BICC1: variants seen among roughly 807,000 people sequenced by gnomAD.
The protein encoded by BICC1 is protein bicaudal C homolog 1.
In BICC1, 43 loss-of-function variants were observed where a neutral mutation model predicts 111.0. The observed-to-expected ratio is 0.39, with a 90% CI of 0.30 to 0.50. The LOEUF is 0.50. Ranked by LOEUF, BICC1 falls within the 20% of genes least tolerant of loss-of-function variation. BICC1 has a pLI of 0.88. For synonymous variants in BICC1, 467 were observed against 434.4 expected, an observed-to-expected ratio of 1.07 and a Z score of -0.93; for missense variants, 1,091 against 1,203.2, an observed-to-expected ratio of 0.91 and a Z score of 1.38.
chr10:58,769,450 A>G lies in BICC1; in HGVS notation c.308-15551A>G, dbSNP rs574684628. Among the ~76,000 whole-genome samples the G allele has an allele frequency of 2.3e-3, 328 of 141,500 alleles. 3 individuals are homozygous for G. Among genetic ancestry groups the G allele is most frequent in the South Asian group, 0.018 (77 of 4,372 alleles). The allele number at this position is 141,500 out of a possible 152,430, so 92.8% of individuals were successfully genotyped here. The stretch of plus-strand genomic sequence containing the variant: ...TAATCACAGTATATATCTTTAATAG[A>G]TATACTTTTTATTTGTCAATCACTC... On this transcript the variant is annotated intron_variant, in intron 3 of 20. Transcript: ENST00000373886.
chr10:58,661,356 TC>T (rs1352547838), intron 2 of BICC1, among the ~76,000 whole-genome samples: 1 of 151,990 alleles, frequency 6.6e-6, no homozygotes, highest in Non-Finnish European at 1.5e-5. Context: ...GCATCAGGCA[TC>T]CCCTAGCCTA....
intron 1 of BICC1, among the ~76,000 whole-genome samples, chr10:58,561,312 T>G (rs1015584111): frequency 2.0e-5 from 3 of 152,012 alleles, no homozygotes; most frequent in Admixed American, 6.6e-5. Flanking sequence ...TTTTTTTCTC[T>G]TTTTATAGTT....
chr10:58,605,534 G>T (rs1845182767), intron 1 of BICC1, among the ~76,000 whole-genome samples: 1 of 152,144 alleles, frequency 6.6e-6, no homozygotes, highest in African/African-American at 2.4e-5. Context: ...GTCTATGGGG[G>T]ATTTGTTCCA....
At chr10:58,687,200 C>T (rs1421443306) in intron 2 of BICC1, among the ~76,000 whole-genome samples, 1 of 152,226 alleles carries the variant, frequency 6.6e-6, no homozygotes, top group Admixed American at 6.5e-5. Flanking sequence ...TATTGCTGAA[C>T]AGCAAATGTT....
chr10:58,808,751 A>G (rs975496834), intron 17 of BICC1, among the ~76,000 whole-genome samples: 8 of 150,014 alleles, frequency 5.3e-5, no homozygotes, highest in African/African-American at 1.7e-4. Context: ...GTCTCACTCA[A>G]CCCCCCTAAG....
intron 2 of BICC1, among the ~76,000 whole-genome samples, chr10:58,653,028 A>C (rs1401851321): frequency 6.6e-6 from 1 of 152,174 alleles, no homozygotes; most frequent in Non-Finnish European, 1.5e-5. Context: ...TTAATCACCA[A>C]CGTAAGAGAC....
chr10:58,807,932 G>GAT (rs1238494429), intron 17 of BICC1, among the ~76,000 whole-genome samples: 5 of 152,138 alleles, frequency 3.3e-5, no homozygotes, highest in African/African-American at 9.7e-5. Flanking sequence ...ACCAGAGAGA[G>GAT]CACTGTAGGC....
chr10:58,529,542 G>A (rs1842627639), intron 1 of BICC1, among the ~76,000 whole-genome samples: 1 of 151,884 alleles, frequency 6.6e-6, no homozygotes, highest in South Asian at 2.1e-4. Flanking sequence ...GTTTTGGTAA[G>A]ATTTTATCTT....
Position 58,789,412 on chromosome 10 carries a change from A to C in BICC1, c.751A>C (p.Thr251Pro), listed in dbSNP as rs1462559972. The change falls in exon 7 of 21, where the codon ACT (threonine) becomes CCT (proline). Residue 251 changes from threonine to proline, a missense_variant. Around this residue, in one of 3 missense-constraint regions of BICC1, gnomAD observed 843 missense variants for 900.8 expected, o/e 0.94. Coordinates refer to ENST00000373886, the MANE Select transcript of BICC1 (RefSeq NM_001080512.3). ...ACAGCGTTCCCGAATGTATGGTGCT[A>C]CTGTCATAGTACGAGGGTCTCAGAA... ...FKQRSRMYGA[T>P]VIVRGSQNNT... 6.2e-7 allele frequency: 1 copy of C among 1,614,110 alleles called. No homozygotes were observed. Among genetic ancestry groups the C allele is most frequent in the Non-Finnish European group, 8.5e-7 (1 of 1,179,972 alleles).
At chr10:58,554,212 G>T (rs1246037427) in intron 1 of BICC1, among the ~76,000 whole-genome samples, 10 of 152,096 alleles carry the variant, frequency 6.6e-5, no homozygotes, top group Non-Finnish European at 1.5e-4. Context: ...ATCTGTGGTG[G>T]TTGTACTAAT....
At chr10:58,560,506 C>A (rs1843575263) in intron 1 of BICC1, among the ~76,000 whole-genome samples, 1 of 151,758 alleles carries the variant, frequency 6.6e-6, no homozygotes, top group Non-Finnish European at 1.5e-5. Context: ...CTTCAAACAA[C>A]TGTATTTCGA....
intron 3 of BICC1, among the ~76,000 whole-genome samples, chr10:58,706,411 G>A (rs1840388613): frequency 6.6e-6 from 1 of 152,194 alleles, no homozygotes; most frequent in Non-Finnish European, 1.5e-5. Flanking sequence ...GCTTCATGAT[G>A]CTAGATAAGT....
chr10:58,540,195 T>A (rs1217813529), intron 1 of BICC1, among the ~76,000 whole-genome samples: 2 of 151,632 alleles, frequency 1.3e-5, no homozygotes, highest in African/African-American at 2.4e-5. Flanking sequence ...CCTAACTTTA[T>A]ACTTAAGGGG....
chr10:58,588,940 C>T (rs1844514797), intron 1 of BICC1, among the ~76,000 whole-genome samples: 2 of 152,146 alleles, frequency 1.3e-5, no homozygotes, highest in Admixed American at 1.3e-4. Context: ...TTGCCCTGAT[C>T]TCAGGGTTGT....
chr10:58,707,438 C>T (rs1364147510), intron 3 of BICC1, among the ~76,000 whole-genome samples: 1 of 151,944 alleles, frequency 6.6e-6, no homozygotes, highest in Non-Finnish European at 1.5e-5. Flanking sequence ...ATTCGTGTGT[C>T]AGGTGTTAGG....
chr10:58,826,922 C>T (rs375753383), intron 20 of BICC1, among the ~76,000 whole-genome samples: 2 of 152,202 alleles, frequency 1.3e-5, no homozygotes, highest in African/African-American at 4.8e-5. Context: ...CACCAGCCGC[C>T]AGTCTTTTGG....
Position 58,583,556 on chromosome 10 carries a change from T to C in BICC1, c.191-37299T>C, listed in dbSNP as rs1426765193. On this transcript the variant is annotated intron_variant, in intron 1 of 20. Transcript: ENST00000373886. ...CTGCTAATGCCATTCTTTCTTCCTTTTTTATGGCTGAGTAGTATTCTCTCT... is the reference window on the plus strand; with the variant it reads ...CTGCTAATGCCATTCTTTCTTCCTTCTTTATGGCTGAGTAGTATTCTCTCT... 2.0e-5 allele frequency among the ~76,000 whole-genome samples: 3 copies of C among 151,916 alleles called. No individual in the cohort carries two copies. In the East Asian group the frequency reaches 5.8e-4, roughly 29 times the overall value.
At chr10:58,796,019 T>C (rs1214664442) in intron 9 of BICC1, among the ~76,000 whole-genome samples, 3 of 152,162 alleles carry the variant, frequency 2.0e-5, no homozygotes, top group Non-Finnish European at 4.4e-5. Flanking sequence ...CTGGGCTAAG[T>C]CCCTTAACTT....
intron 3 of BICC1, among the ~76,000 whole-genome samples, chr10:58,722,679 G>A (rs1253852582): frequency 6.6e-6 from 1 of 152,112 alleles, no homozygotes; most frequent in Non-Finnish European, 1.5e-5. Flanking sequence ...ACAATGATCA[G>A]AAAAGGAAGA....
Sources: gnomAD v4.1 joint callset for allele counts (sites outside exome capture counted in the v4.1 genomes callset) on GRCh38, gnomAD v4.1.1 for gene constraint, gnomAD v4.1.1 regional missense constraint, MANE v1.5 for transcripts, NCBI Gene and HGNC (gene_info 2026-07-23, HGNC 2026-07-21) for gene names.